Variants in FATE1 observed in about 807,000 individuals in gnomAD.
FATE1 encodes fetal and adult testis expressed 1.
Under a neutral mutation model 16.0 loss-of-function variants are expected in FATE1, and 18 were observed. The observed-to-expected ratio is 1.12, with a 90% CI of 0.78 to 1.66. The LOEUF (loss-of-function observed/expected upper bound fraction) is 1.66, where lower values mean the gene tolerates loss of function less well. Among genes scored for constraint, FATE1 ranks in the 40% most tolerant of loss-of-function variants. The pLI is 0.00. For synonymous variants in FATE1, 76 were observed against 56.9 expected, an observed-to-expected ratio of 1.34 and a Z score of -1.51; for missense variants, 169 against 152.7, an observed-to-expected ratio of 1.11 and a Z score of -0.56.
At position 151,717,167 on chromosome X, in the gene FATE1, C is replaced by T. The variant is rs185344725; in HGVS notation, c.107-105C>T. On this transcript the variant is annotated intron_variant, in intron 1 of 4. Coordinates refer to ENST00000370350, the MANE Select transcript of FATE1 (RefSeq NM_033085.3). ...AGTGGTTAATGGGTGCTGAGTGATT[C>T]CCAAGAAAGCTGGAGACTCTGTCTT... The T allele has an allele frequency of 3.8e-4, 377 of 992,107 alleles. 1 individual carries two copies. The African/African-American group carries it at 6.7e-3, about 18-fold the overall frequency. 81.8% of individuals were successfully genotyped at this position (992,107 alleles called of 1,213,427 possible). A position where few individuals can be genotyped will look rare whatever the true frequency, so the allele number is the denominator to read the frequency against.
chrX:151,717,577 C>A lies in FATE1; in HGVS notation c.234+178C>A, dbSNP rs571938715. Among the ~76,000 whole-genome samples the A allele has an allele frequency of 5.3e-5, 6 of 112,194 alleles. No homozygotes were observed. In the East Asian group the frequency reaches 1.4e-3, roughly 26 times the overall value. ...AGTTCCAATTAAAGGTCAGGGTCAT[C>A]CTTTCCTATGCTGGGGGTTCAACCT... On this transcript the variant is annotated intron_variant, in intron 2 of 4. Transcript: ENST00000370350.
intron 1 of FATE1, 22 bp from the exon 2 acceptor site, chrX:151,717,250 G>C: frequency 8.4e-7 from 1 of 1,196,964 alleles, no homozygotes; most frequent in Non-Finnish European, 1.1e-6. Context: ...GGTGCTCCTG[G>C]AGCTTCTGTT....
rs1180125557 is a variant in FATE1, at chrX:151,716,209, G to A, written c.90G>A (p.Glu30=). 104 of 1,165,747 alleles carry A rather than the reference G, an allele frequency of 8.9e-5. 1 individual carries two copies. Among genetic ancestry groups the A allele is most frequent in the Non-Finnish European group, 5.4e-5 (47 of 872,262 alleles). The change falls in exon 1 of 5, where the codon GAG becomes GAA. Residue 30 remains glutamate (E), a synonymous_variant. Transcript: ENST00000370350. ...LNHGRQGENQ[E]HLVIAEMMEL... is the part of the protein sequence containing the mutation. Reference sequence around the variant, plus strand: ...ATGGACGCCAAGGGGAAAACCAAGAGCACCTGGTGATAGCAGGTGAGGATC... The same window carrying A: ...ATGGACGCCAAGGGGAAAACCAAGAACACCTGGTGATAGCAGGTGAGGATC...
At chrX:151,721,793 A>T in intron 3 of FATE1, 110 bp from the exon 4 acceptor site, 1 of 669,413 alleles carries the variant, frequency 1.5e-6, no homozygotes, top group Non-Finnish European at 2.4e-6. Context: ...AGGCTGATAG[A>T]GTCACTGTCC....
In FATE1 at chrX:151,722,696, C is replaced by T; in HGVS notation, c.489C>T (p.Thr163=). 1 of 1,212,192 alleles carries T rather than the reference C, an allele frequency of 8.2e-7. No homozygotes were observed. The change falls in exon 5 of 5, where the codon ACC becomes ACT. Residue 163 remains threonine, a synonymous_variant. Transcript: ENST00000370350. ...GCGCCACCTGGCGCCACAGGGAGACCCTGATCATCGCCGTGCTGGTGTCGG... is the reference window on the plus strand; with the variant it reads ...GCGCCACCTGGCGCCACAGGGAGACTCTGATCATCGCCGTGCTGGTGTCGG... ...EQGATWRHRE[T]LIIAVLVSAS... is the part of the protein sequence containing the mutation.
intron 2 of FATE1, 48 bp from the exon 3 acceptor site, chrX:151,721,347 C>T: frequency 2.7e-6 from 3 of 1,120,674 alleles, no homozygotes; most frequent in Non-Finnish European, 3.7e-6. Flanking sequence ...GGAGAAGCCA[C>T]TCATGTGGGG....
intron 3 of FATE1, 67 bp from the exon 4 acceptor site, chrX:151,721,836 C>T: frequency 2.0e-6 from 2 of 1,015,288 alleles, no homozygotes; most frequent in Non-Finnish European, 2.8e-6. Flanking sequence ...CTTGACCTCA[C>T]TGCCTTCTTG....
chrX:151,722,312 C>A (rs1481618788), intron 4 of FATE1, among the ~76,000 whole-genome samples: 1 of 112,290 alleles, frequency 8.9e-6, no homozygotes, highest in Non-Finnish European at 1.9e-5. Flanking sequence ...TTTGTTCAAA[C>A]CAAACCCAGA....
At chrX:151,720,946 G>T (rs150437158) in intron 2 of FATE1, among the ~76,000 whole-genome samples, 45 of 112,441 alleles carry the variant, frequency 4.0e-4, no homozygotes, top group African/African-American at 1.4e-3. Context: ...ACCCAGAGGA[G>T]TTGCTGGTTT....
rs778577078 is a variant in FATE1, at chrX:151,721,903, C to A, written c.342C>A (p.Arg114=). Residue 114 remains arginine, a splice_region_variant and synonymous_variant, in exon 4 of 5, where the codon CGC becomes CGA. Transcript: ENST00000370350. ...ACCATCTGTCTTTTTTCTCTCCCAG[C>A]AACCCAGGGACAGATGCAGTGGCGC... is the stretch of plus-strand genomic sequence containing the variant. ...NFQGIRFHYD[R]NPGTDAVAQT... 3.8e-5 allele frequency: 46 copies of A among 1,207,445 alleles called. No individual in the cohort carries two copies. In the South Asian group the frequency reaches 8.0e-4, roughly 21 times the overall value.
At chrX:151,718,763 C>G (rs761395541) in intron 2 of FATE1, among the ~76,000 whole-genome samples, 1 of 111,673 alleles carries the variant, frequency 9.0e-6, no homozygotes, top group Non-Finnish European at 1.9e-5. Context: ...GTAGCCAGTG[C>G]TTTTCACCAC....
In FATE1 at chrX:151,716,230, G is replaced by A. The variant is rs1171603421; in HGVS notation, c.106+5G>A. The stretch of plus-strand genomic sequence containing the variant: ...AAGAGCACCTGGTGATAGCAGGTGA[G>A]GATCCCCTAAAATACCCCTAGGCTA... On this transcript the variant is annotated splice_donor_5th_base_variant and intron_variant, in intron 1 of 4. Transcript: ENST00000370350. The A allele has an allele frequency of 1.7e-6, 2 of 1,157,395 alleles. No homozygotes were observed. The highest frequency in any genetic ancestry group is 1.8e-5 in the African/African-American group (1 of 55,650).
At chrX:151,717,480 C>A in intron 2 of FATE1, 81 bp downstream of exon 2, 1 of 1,058,446 alleles carries the variant, frequency 9.4e-7, no homozygotes, top group South Asian at 2.2e-5. Flanking sequence ...CTGACCAGGT[C>A]AGGCAGGGCT....
chrX:151,718,726 T>A (rs1175437597), intron 2 of FATE1, among the ~76,000 whole-genome samples: 1 of 112,261 alleles, frequency 8.9e-6, no homozygotes, highest in Non-Finnish European at 1.9e-5. Context: ...CCTGACTGTT[T>A]TAGGGAATCA....
chrX:151,717,810 G>C (rs749718773), intron 2 of FATE1, among the ~76,000 whole-genome samples: 2 of 111,584 alleles, frequency 1.8e-5, no homozygotes, highest in African/African-American at 6.5e-5. Flanking sequence ...AAGTGGACTG[G>C]CATGGTGGCT....
In FATE1 at chrX:151,717,302, G is replaced by T; in HGVS notation, c.137G>T (p.Gly46Val). Residue 46 changes from glycine to valine, a missense_variant, in exon 2 of 5, where the codon GGT becomes GTT. Transcript: ENST00000370350. ...ATGGAGCTTGGATCTCGGTCCCGGG[G>T]TGCCTCCCAGAAGAAGCAGAAGTTG... ...EMMELGSRSR[G>V]ASQKKQKLEQ... 1 of 1,207,965 alleles carries T rather than the reference G, an allele frequency of 8.3e-7. No homozygotes were observed. The highest frequency in any genetic ancestry group is 1.7e-5 in the African/African-American group (1 of 57,632).
chrX:151,722,285 C>G (rs1189761708), intron 4 of FATE1, among the ~76,000 whole-genome samples: 1 of 112,066 alleles, frequency 8.9e-6, no homozygotes, highest in Non-Finnish European at 1.9e-5. Flanking sequence ...ACCTAAGGGT[C>G]TGAGAGAGGG....
rs141497002 is a variant in FATE1 at position 151,721,936 on chromosome X, C to G, written c.375C>G (p.Ser125Arg). 3.3e-5 allele frequency: 40 copies of G among 1,208,785 alleles called. No homozygotes were observed. The highest frequency in any genetic ancestry group is 4.5e-6 in the Non-Finnish European group (4 of 894,916). Residue 125 changes from serine to arginine, a missense_variant, in exon 4 of 5, where the codon AGC becomes AGG. Physicochemically the swap from Ser to Arg is moderately radical, Grantham distance 110 (BLOSUM62 -1). Coordinates refer to ENST00000370350, the MANE Select transcript of FATE1 (RefSeq NM_033085.3). ...NPGTDAVAQT[S>R]LEEFNVLEME... ...GGACAGATGCAGTGGCGCAGACTAGCCTGGAAGAGTTCAATGTACTGGAGA... is the reference window on the plus strand; with the variant it reads ...GGACAGATGCAGTGGCGCAGACTAGGCTGGAAGAGTTCAATGTACTGGAGA...
intron 2 of FATE1, 95 bp downstream of exon 2, chrX:151,717,494 C>T (rs1002080607): frequency 8.1e-6 from 8 of 982,060 alleles, no homozygotes; most frequent in East Asian, 7.2e-5. Context: ...CAGGGCTAGA[C>T]GTTGACTTGT....
Sources: gnomAD v4.1 joint callset for allele counts (sites outside exome capture counted in the v4.1 genomes callset) on GRCh38, gnomAD v4.1.1 for gene constraint, MANE v1.5 for transcripts, NCBI Gene and HGNC (gene_info 2026-07-23, HGNC 2026-07-21) for gene names.